The following FOXP2 variants were observed in gnomAD, a reference collection of about 807,000 sequenced individuals.
The protein encoded by FOXP2 is forkhead box P2.
In FOXP2, 12 loss-of-function variants were observed where a neutral mutation model predicts 115.8. The ratio of observed to expected loss-of-function variants is 0.10; its 90% CI spans 0.07 to 0.17. FOXP2 has a LOEUF of 0.17. Ranked by LOEUF, FOXP2 falls within the 10% of genes least tolerant of loss-of-function variation. The probability of loss-of-function intolerance (pLI) is 1.00; values close to 1 mark genes in which losing one functional copy is unlikely to be tolerated. For missense variants in FOXP2, 629 were observed against 843.5 expected, an observed-to-expected ratio of 0.75 and a Z score of 3.15; for synonymous variants, 328 against 297.7, an observed-to-expected ratio of 1.10 and a Z score of -1.05.
At chr7:114,656,313 G>GT (rs35841155) in intron 10 of FOXP2, 6,293 of 181,616 alleles carry the variant, frequency 0.035, 2 homozygotes, top group South Asian at 0.12. Context: ...ATCCAGCTGA[G>GT]TTTTTTTTTT....
At chr7:114,513,063 A>G (rs1227107413) in intron 2 of FOXP2, among the ~76,000 whole-genome samples, 1 of 152,174 alleles carries the variant, frequency 6.6e-6, no homozygotes, top group African/African-American at 2.4e-5. Flanking sequence ...CAGCCTGGTG[A>G]CAGACCAAGA....
At chr7:114,123,753 G>A (rs1562971436) in intron 1 of FOXP2, among the ~76,000 whole-genome samples, 1 of 152,006 alleles carries the variant, frequency 6.6e-6, no homozygotes. Context: ...TAAAAATTTG[G>A]TGAAGGTCTT....
intron 2 of FOXP2, among the ~76,000 whole-genome samples, chr7:114,378,701 A>AAAAAAAAAAATG (rs1554380027): frequency 1.9e-5 from 2 of 106,754 alleles, no homozygotes; most frequent in Non-Finnish European, 3.8e-5. Flanking sequence ...AAAAAAAAAA[A>AAAAAAAAAAATG]GGAAAAGAAA....
intron 2 of FOXP2, among the ~76,000 whole-genome samples, chr7:114,520,167 A>C (rs1033387114): frequency 6.6e-6 from 1 of 152,130 alleles, no homozygotes; most frequent in Non-Finnish European, 1.5e-5. Context: ...CTTACCTTAC[A>C]TAAAAATTGC....
At chr7:114,093,645 CCTA>C (rs1799586139) in intron 1 of FOXP2, among the ~76,000 whole-genome samples, 1 of 150,770 alleles carries the variant, frequency 6.6e-6, no homozygotes, top group African/African-American at 2.4e-5. Context: ...TTTTTTTTAT[CCTA>C]CACCCATTTT....
intron 3 of FOXP2, among the ~76,000 whole-genome samples, chr7:114,557,416 A>G (rs1258193374): frequency 6.6e-6 from 1 of 152,240 alleles, no homozygotes; most frequent in Non-Finnish European, 1.5e-5. Flanking sequence ...TAAGACAAAT[A>G]TATATCATCT....
At chr7:114,442,229 A>AT (rs1333881144) in intron 2 of FOXP2, among the ~76,000 whole-genome samples, 4 of 152,112 alleles carry the variant, frequency 2.6e-5, no homozygotes, top group African/African-American at 9.7e-5. Context: ...CCAGCCAGAT[A>AT]TTTTATAATT....
Position 114,408,641 on chromosome 7 carries a change from C to T in FOXP2, c.-10-17861C>T, listed in dbSNP as rs192161286. Among the ~76,000 whole-genome samples the T allele has an allele frequency of 6.8e-3, 1,039 of 152,016 alleles. 13 individuals carry two copies. Among genetic ancestry groups the T allele is most frequent in the Middle Eastern group, 0.027 (8 of 294 alleles). ...ACTCAGGAGGCTGAGGCAGGAGAAT[C>T]GCTTGAACCTGGGAGGCAGAGGTTG... On this transcript the variant is annotated intron_variant, in intron 2 of 17. Transcript: ENST00000634411.
intron 16 of FOXP2, among the ~76,000 whole-genome samples, chr7:114,681,601 C>T (rs1253915323): frequency 3.3e-5 from 5 of 152,116 alleles, no homozygotes; most frequent in Non-Finnish European, 7.4e-5. Flanking sequence ...TCAATGATGG[C>T]TCCTCTACTT....
rs532527200 is a variant in FOXP2 at position 114,580,844 on chromosome 7, C to A, written c.258+46138C>A. On this transcript the variant is annotated intron_variant, in intron 3 of 16. Transcript: ENST00000350908. ...GTGGGATATCTGCGTGTTCAGTAGG[C>A]AGTTAGCACTGAGTTGGAGATGATG... 5.3e-5 allele frequency among the ~76,000 whole-genome samples: 8 copies of A among 152,086 alleles called. No individual in the cohort carries two copies. In the East Asian group the frequency reaches 1.2e-3, roughly 22 times the overall value.
At chr7:114,314,817 A>T (rs1797234971) in intron 2 of FOXP2, among the ~76,000 whole-genome samples, 1 of 152,180 alleles carries the variant, frequency 6.6e-6, no homozygotes, top group Non-Finnish European at 1.5e-5. Context: ...CCTTATTATC[A>T]ACAGCTGTGT....
chr7:114,185,557 C>G lies in FOXP2; in HGVS notation c.-102+22469C>G, dbSNP rs1168887030. Among the ~76,000 whole-genome samples the G allele has an allele frequency of 2.0e-5, 3 of 152,100 alleles. No homozygotes were observed. The East Asian group carries it at 5.8e-4, about 29-fold the overall frequency. ...TAACTTTTGTTATTATTGTTTATCC[C>G]AGAGTGGTATCACAGAGTGAAATGT... On this transcript the variant is annotated intron_variant, in intron 1 of 17. Transcript: ENST00000634411.
At chr7:114,533,022 T>A (rs560477970) in intron 2 of FOXP2, among the ~76,000 whole-genome samples, 2 of 151,998 alleles carry the variant, frequency 1.3e-5, no homozygotes, top group Non-Finnish European at 2.9e-5. Context: ...ATTTTCAAAC[T>A]GAGCTCTATA....
At position 114,471,716 on chromosome 7, in the gene FOXP2, G is replaced by A. The variant is rs185387030; in HGVS notation, c.168+45037G>A. On this transcript the variant is annotated intron_variant, in intron 2 of 16. Coordinates refer to ENST00000350908, the MANE Select transcript of FOXP2 (RefSeq NM_014491.4). Reference sequence around the variant, plus strand: ...TGTAATCCCAGCACTTTGGGAGGCCGAGGCGGGCGGATCACCTAAGGTCAG... The same window carrying A: ...TGTAATCCCAGCACTTTGGGAGGCCAAGGCGGGCGGATCACCTAAGGTCAG... 4.4e-3 allele frequency among the ~76,000 whole-genome samples: 660 copies of A among 151,722 alleles called. 13 individuals are homozygous for A. Among genetic ancestry groups the A allele is most frequent in the Admixed American group, 0.031 (465 of 15,224 alleles).
chr7:114,691,888 T>C lies in FOXP2; in HGVS notation c.*1962T>C, dbSNP rs973099366. 2.5e-5 allele frequency: 11 copies of C among 444,758 alleles called. No individual in the cohort carries two copies. The highest frequency in any genetic ancestry group is 2.4e-4 in the African/African-American group (11 of 46,258). 27.6% of individuals were successfully genotyped at this position (444,758 alleles called of 1,614,324 possible). ...GACATAACGGCTTTCAAAAGGGTTT[T>C]CCCACTTACCCAAAAGGCTTTCTGA... On this transcript the variant is annotated 3_prime_UTR_variant, in exon 17 of 17. Transcript: ENST00000350908.
chr7:114,472,560 C>G (rs1167480724), intron 2 of FOXP2, among the ~76,000 whole-genome samples: 1 of 152,058 alleles, frequency 6.6e-6, no homozygotes, highest in Admixed American at 6.6e-5. Flanking sequence ...GTTAGCCAGG[C>G]TGGTCTTGAA....
chr7:114,214,635 G>A (rs547375921), intron 1 of FOXP2, among the ~76,000 whole-genome samples: 3 of 152,244 alleles, frequency 2.0e-5, no homozygotes, highest in Non-Finnish European at 4.4e-5. Flanking sequence ...CTGGTGTGGA[G>A]GGCCACAGAG....
chr7:114,316,982 C>G (rs563323822), intron 2 of FOXP2, among the ~76,000 whole-genome samples: 17 of 152,294 alleles, frequency 1.1e-4, no homozygotes, highest in African/African-American at 3.9e-4. Flanking sequence ...CCCAGAATCA[C>G]CTGCTCCAGT....
At position 114,304,854 on chromosome 7, in the gene FOXP2, A is replaced by C. The variant is rs149297467; in HGVS notation, c.-11+16745A>C. 4.2e-3 allele frequency among the ~76,000 whole-genome samples: 639 copies of C among 152,156 alleles called. 2 individuals carry two copies. Among genetic ancestry groups the C allele is most frequent in the Non-Finnish European group, 7.0e-3 (475 of 67,982 alleles). On this transcript the variant is annotated intron_variant, in intron 2 of 17. Coordinates refer to the FOXP2 transcript ENST00000634411. ...ACAAAAATGGTTTGAAATGTTTCTG[A>C]AACAACGTTAAAGGCATTTAAGAAT...
Sources: allele counts gnomAD v4.1 joint callset (sites outside exome capture counted in the v4.1 genomes callset), GRCh38; gene constraint gnomAD v4.1.1; transcripts MANE v1.5; gene names NCBI Gene and HGNC (gene_info 2026-07-23, HGNC 2026-07-21).